DMAC2L: variants seen among roughly 807,000 people sequenced by gnomAD.
DMAC2L encodes the protein ATP synthase subunit s, mitochondrial.
In DMAC2L, 21 loss-of-function variants were observed where a neutral mutation model predicts 22.5. The observed-to-expected ratio is 0.93, with a 90% CI of 0.66 to 1.34. The LOEUF (loss-of-function observed/expected upper bound fraction) is 1.34. Ranked by LOEUF, DMAC2L falls within the 40% of genes most tolerant of loss-of-function variation. DMAC2L has a pLI of 0.00. For missense variants in DMAC2L, 239 were observed against 246.5 expected, an observed-to-expected ratio of 0.97 and a Z score of 0.20; for synonymous variants, 86 against 89.5, an observed-to-expected ratio of 0.96 and a Z score of 0.22.
upstream of DMAC2L, chr14:50,312,215 C>A: frequency 6.3e-7 from 1 of 1,587,736 alleles, no homozygotes; most frequent in Non-Finnish European, 8.5e-7. Flanking sequence ...CGGCCGAGGA[C>A]CCGCGCTCTT....
Position 50,326,619 on chromosome 14 carries a change from G to C in DMAC2L, c.*896G>C. ...GCTGCTTAATTTGTCTATTTTGTAA[G>C]CTTAGGCTACTATTTTATTAAAACT... On this transcript the variant is annotated 3_prime_UTR_variant, in exon 6 of 6. Coordinates refer to ENST00000557421, the MANE Select transcript of DMAC2L (RefSeq NM_001382507.1). 1.0e-6 allele frequency: 1 copy of C among 985,420 alleles called. No individual in the cohort carries two copies. Among genetic ancestry groups the C allele is most frequent in the Non-Finnish European group, 1.2e-6 (1 of 829,922 alleles). 61.0% of individuals were successfully genotyped at this position (985,420 alleles called of 1,614,324 possible).
At chr14:50,311,972 C>G (rs1256517483), upstream of DMAC2L, 1 of 1,543,978 alleles carries the variant, frequency 6.5e-7, no homozygotes, top group Admixed American at 2.0e-5. Flanking sequence ...CCGCGAGGGG[C>G]AGCAGCGCAG....
At chr14:50,312,168 C>T (rs1197701995), upstream of DMAC2L, 2 of 1,608,344 alleles carry the variant, frequency 1.2e-6, no homozygotes, top group African/African-American at 1.3e-5. Context: ...GCACGCTCCC[C>T]TCCCTCAGCG....
intron 4 of DMAC2L, 144 bp downstream of exon 4, chr14:50,322,863 A>G: frequency 2.0e-6 from 3 of 1,474,688 alleles, no homozygotes; most frequent in Non-Finnish European, 2.7e-6. Flanking sequence ...TGTGTTTGAT[A>G]TTTATTTTCA....
At chr14:50,315,593 C>T (rs1197043036) in intron 2 of DMAC2L, among the ~76,000 whole-genome samples, 2 of 125,698 alleles carry the variant, frequency 1.6e-5, no homozygotes, top group Non-Finnish European at 3.1e-5. Context: ...ACCTGGGAGG[C>T]GGAGGTTGCA....
chr14:50,313,893 C>T (rs1035813261), intron 1 of DMAC2L, among the ~76,000 whole-genome samples: 2 of 152,182 alleles, frequency 1.3e-5, no homozygotes, highest in Admixed American at 1.3e-4. Flanking sequence ...CTTACCTTTG[C>T]AGCCCCACCC....
intron 2 of DMAC2L, among the ~76,000 whole-genome samples, chr14:50,319,561 C>T (rs2032097288): frequency 6.6e-6 from 1 of 152,158 alleles, no homozygotes; most frequent in East Asian, 1.9e-4. Context: ...AATACCCCAC[C>T]TTGTTTCAGA....
At chr14:50,322,434 T>G in intron 3 of DMAC2L, 77 bp from the exon 4 acceptor site, 1 of 1,411,950 alleles carries the variant, frequency 7.1e-7, no homozygotes. Context: ...GCGTTCTGTA[T>G]TATTTATGTC....
rs191700383 is a variant in DMAC2L, at chr14:50,316,106, G to A, written c.-6+1480G>A. Among the ~76,000 whole-genome samples, 19 of 151,322 alleles carry A rather than the reference G, an allele frequency of 1.3e-4. 1 individual carries two copies. Among genetic ancestry groups the A allele is most frequent in the Middle Eastern group, 3.4e-3 (1 of 294 alleles). ...ATTTTTTGATTATGGCCATTCTTGC[G>A]GGGAGTAAGGTGGTATCACATTGTG... is the stretch of plus-strand genomic sequence containing the variant. On this transcript the variant is annotated intron_variant, in intron 2 of 5. Coordinates refer to ENST00000557421, the MANE Select transcript of DMAC2L (RefSeq NM_001382507.1).
intron 2 of DMAC2L, among the ~76,000 whole-genome samples, chr14:50,315,940 G>C (rs374646584): frequency 2.0e-5 from 3 of 152,100 alleles, no homozygotes; most frequent in African/African-American, 4.8e-5. Flanking sequence ...GGAATTGCTC[G>C]ATCAAATGGT....
chr14:50,324,856 AC>A (rs2032588303), intron 5 of DMAC2L: 1 of 152,292 alleles, frequency 6.6e-6, no homozygotes. Context: ...GCTCACTACA[AC>A]TTCCGCTTCC....
chr14:50,312,912 C>A, intron 1 of DMAC2L: 2 of 1,218,566 alleles, frequency 1.6e-6, no homozygotes, highest in Non-Finnish European at 2.4e-6. Context: ...AGCGCCTGCT[C>A]TGTACTCGAC....
chr14:50,322,920 T>C, intron 4 of DMAC2L: 2 of 1,433,242 alleles, frequency 1.4e-6, no homozygotes, highest in Non-Finnish European at 9.1e-7. Flanking sequence ...CTCCTCTCAC[T>C]AAGCTTGTTT....
rs2031297680 is a variant in DMAC2L, at chr14:50,312,365, T to TCCCTCCCTCCCC, written c.-55_-54insCCCCTCCCTCCC. 1 of 532,602 alleles carries TCCCTCCCTCCCC rather than the reference T, an allele frequency of 1.9e-6. No individual in the cohort carries two copies. The highest frequency in any genetic ancestry group is 2.2e-5 in the South Asian group (1 of 46,418). 33.0% of individuals were successfully genotyped at this position (532,602 alleles called of 1,614,324 possible). A position where few individuals can be genotyped will look rare whatever the true frequency, so the allele number is the denominator to read the frequency against. On this transcript the variant is annotated 5_prime_UTR_variant, in exon 1 of 6. Transcript: ENST00000557421. The stretch of plus-strand genomic sequence containing the variant: ...CGCAGACGCGGGGACGCTGGCTCGC[T>TCCCTCCCTCCCC]CCCTCCCTCCCTCCCTCCGACGCTG...
intron 3 of DMAC2L, 105 bp from the exon 4 acceptor site, chr14:50,322,405 CT>C (rs2139310303): frequency 8.2e-7 from 1 of 1,223,510 alleles, no homozygotes; most frequent in East Asian, 2.6e-5. Context: ...TCGTCAGTCA[CT>C]TGAAATGAAA....
chr14:50,319,788 C>T (rs139651741), intron 2 of DMAC2L, among the ~76,000 whole-genome samples: 2 of 152,196 alleles, frequency 1.3e-5, no homozygotes, highest in East Asian at 3.9e-4. Flanking sequence ...AACCTATAAC[C>T]CTGTTCTCCT....
Position 50,327,117 on chromosome 14 carries a change from C to A in DMAC2L, c.*1394C>A, listed in dbSNP as rs1184262992. On this transcript the variant is annotated 3_prime_UTR_variant, in exon 6 of 6. Coordinates refer to ENST00000557421, the MANE Select transcript of DMAC2L (RefSeq NM_001382507.1). ...CCAAGGCAGGCAGATCATTTGAGCC[C>A]AGGAGTTCAGGACGAGCCTGGGCAA... 1 of 146,662 alleles carries A rather than the reference C, an allele frequency of 6.8e-6. No individual in the cohort carries two copies. Among genetic ancestry groups the A allele is most frequent in the Non-Finnish European group, 1.5e-5 (1 of 67,900 alleles). 9.1% of individuals were successfully genotyped at this position (146,662 alleles called of 1,614,324 possible). A position where few individuals can be genotyped will look rare whatever the true frequency, so the allele number is the denominator to read the frequency against.
intron 2 of DMAC2L, 119 bp downstream of exon 2, chr14:50,314,745 A>C (rs2031614702): frequency 7.3e-6 from 3 of 408,590 alleles, no homozygotes; most frequent in Non-Finnish European, 1.5e-5. Flanking sequence ...GGTCTCAAGC[A>C]ATTCTCCTGC....
chr14:50,312,883 A>G, intron 1 of DMAC2L: 1 of 843,962 alleles, frequency 1.2e-6, no homozygotes, highest in South Asian at 1.6e-5. Context: ...TCAGTCATTG[A>G]TTCGTCTTGT....
Sources: gnomAD v4.1 joint callset for allele counts (sites outside exome capture counted in the v4.1 genomes callset) on GRCh38, gnomAD v4.1.1 for gene constraint, MANE v1.5 for transcripts, NCBI Gene and HGNC (gene_info 2026-07-23, HGNC 2026-07-21) for gene names.